Variants in EML4 observed in about 807,000 individuals in gnomAD.
EML4 encodes the protein echinoderm microtubule-associated protein-like 4.
In EML4, 72 loss-of-function variants were observed where a neutral mutation model predicts 129.0. The ratio of observed to expected loss-of-function variants is 0.56; its 90% CI spans 0.46 to 0.68. The LOEUF is 0.68. Ranked by LOEUF, EML4 falls within the 30% of genes least tolerant of loss-of-function variation. The pLI, the probability that EML4 is intolerant of heterozygous loss-of-function variation, is 0.00. For missense variants in EML4, 1,363 were observed against 1,190.6 expected (o/e 1.14, Z -2.13); for synonymous variants, 532 against 405.0 (o/e 1.31, Z -3.77).
intron 10 of EML4, 144 bp from the exon 11 acceptor site, chr2:42,288,083 G>A: frequency 2.4e-6 from 1 of 417,594 alleles, no homozygotes; most frequent in Non-Finnish European, 4.3e-6. Context: ...AGTAAATAGT[G>A]TATTCATTAT....
chr2:42,312,475 A>G (rs746302113), intron 17 of EML4, among the ~76,000 whole-genome samples: 1 of 152,180 alleles, frequency 6.6e-6, no homozygotes, highest in Non-Finnish European at 1.5e-5. Flanking sequence ...CTTCATCTGC[A>G]CAATAAAACT....
intron 6 of EML4, among the ~76,000 whole-genome samples, chr2:42,274,387 A>G (rs1666538960): frequency 6.6e-6 from 1 of 152,218 alleles, no homozygotes; most frequent in African/African-American, 2.4e-5. Flanking sequence ...ACAAATAATT[A>G]CAATCACAGT....
intron 6 of EML4, among the ~76,000 whole-genome samples, chr2:42,275,431 CAA>C (rs1191442208): frequency 6.6e-6 from 1 of 152,116 alleles, no homozygotes; most frequent in East Asian, 1.9e-4. Context: ...AATTTTGGAA[CAA>C]AGTCTAAAAA....
At chr2:42,300,190 T>G (rs1572716183) in intron 13 of EML4, among the ~76,000 whole-genome samples, 2 of 152,346 alleles carry the variant, frequency 1.3e-5, no homozygotes, top group South Asian at 2.1e-4. Context: ...TTTATTGACT[T>G]ACTTTGGCCA....
chr2:42,255,163 G>A (rs543587303), intron 2 of EML4, among the ~76,000 whole-genome samples: 1 of 151,858 alleles, frequency 6.6e-6, no homozygotes, highest in South Asian at 2.1e-4. Context: ...CCCACTAACT[G>A]CAAGCTCCGC....
At chr2:42,325,745 T>C (rs1458177898) in intron 20 of EML4, among the ~76,000 whole-genome samples, 191 bp downstream of exon 20, 1 of 150,862 alleles carries the variant, frequency 6.6e-6, no homozygotes, top group African/African-American at 2.4e-5. Flanking sequence ...TATGTTATGC[T>C]GAGCTAAGGT....
At position 42,234,469 on chromosome 2, in the gene EML4, A is replaced by C. The variant is rs544061257; in HGVS notation, c.26-11036A>C. Among the ~76,000 whole-genome samples the C allele has an allele frequency of 1.6e-3, 242 of 152,254 alleles. 1 individual carries two copies. The highest frequency in any genetic ancestry group is 4.8e-3 in the African/African-American group (199 of 41,556). On this transcript the variant is annotated intron_variant, in intron 1 of 22. Transcript: ENST00000318522. ...TTAAGAATTTCTGACCAGGTAAACTATCTCTCCATTCCTGTGAGTTCAGAC... is the reference window on the plus strand; with the variant it reads ...TTAAGAATTTCTGACCAGGTAAACTCTCTCTCCATTCCTGTGAGTTCAGAC...
At chr2:42,225,480 G>A (rs1673899709) in intron 1 of EML4, among the ~76,000 whole-genome samples, 1 of 152,084 alleles carries the variant, frequency 6.6e-6, no homozygotes, top group Non-Finnish European at 1.5e-5. Context: ...CTGGATTGCT[G>A]GATTGTAGGC....
In EML4 at chr2:42,330,194, C is replaced by A. The variant is rs28364731; in HGVS notation, c.2933C>A (p.Ser978Ter). ...ATLLEDQQDP[S>*]PSS ...CTTCTGGAGGACCAGCAAGACCCTT[C>A]GCCCTCGTCCTAACACCCTGGCTTC... Residue 978 changes from serine to a stop codon, truncating the protein, a stop_gained, in exon 23 of 23, where the codon TCG becomes TAG. Transcript: ENST00000318522. LOFTEE classifies it high-confidence loss of function. 2 of 1,612,842 alleles carry A rather than the reference C, an allele frequency of 1.2e-6. No homozygotes were observed. The highest frequency in any genetic ancestry group is 1.7e-6 in the Non-Finnish European group (2 of 1,179,810).
chr2:42,269,317 C>T (rs971740638), intron 6 of EML4, among the ~76,000 whole-genome samples: 3 of 152,126 alleles, frequency 2.0e-5, no homozygotes, highest in African/African-American at 7.2e-5. Context: ...CCTGAATAAT[C>T]TTGTCATTCT....
chr2:42,257,832 G>A (rs1047002322), intron 3 of EML4, among the ~76,000 whole-genome samples: 15 of 124,034 alleles, frequency 1.2e-4, no homozygotes, highest in African/African-American at 2.5e-4. Context: ...GCCAGACTCC[G>A]TCTCAAAAAA....
At chr2:42,217,226 T>C (rs935483045) in intron 1 of EML4, among the ~76,000 whole-genome samples, 1 of 152,214 alleles carries the variant, frequency 6.6e-6, no homozygotes, top group Non-Finnish European at 1.5e-5. Context: ...GTAGTGGAAC[T>C]TCTTTTTGAA....
chr2:42,327,614 C>CT lies in EML4; in HGVS notation c.2342-1271dup, dbSNP rs568780605. Among the ~76,000 whole-genome samples the CT allele has an allele frequency of 3.8e-4, 58 of 152,310 alleles. 2 individuals carry two copies. The South Asian group carries it at 0.012, about 32-fold the overall frequency. On this transcript the variant is annotated intron_variant, in intron 21 of 22. Transcript: ENST00000318522. ...TAACTATGTGGGGCTTCTTCCTAAT[C>CT]TGACGTTTTGTAACTTTCTGGAAAT...
At chr2:42,300,698 T>C (rs1668234196) in intron 13 of EML4, among the ~76,000 whole-genome samples, 1 of 152,194 alleles carries the variant, frequency 6.6e-6, no homozygotes, top group Non-Finnish European at 1.5e-5. Context: ...GGGTTAACAA[T>C]GGTTGTAAAA....
intron 1 of EML4, among the ~76,000 whole-genome samples, chr2:42,244,257 C>G (rs987402943): frequency 4.0e-5 from 6 of 151,882 alleles, no homozygotes; most frequent in African/African-American, 1.5e-4. Context: ...CGCCACCAAG[C>G]CCGGCTAATT....
At chr2:42,177,473 A>G (rs962962456) in intron 1 of EML4, among the ~76,000 whole-genome samples, 3 of 152,020 alleles carry the variant, frequency 2.0e-5, no homozygotes, top group Admixed American at 1.3e-4. Context: ...GTACAAAAAA[A>G]TTAGCCAGGC....
At chr2:42,194,184 G>C (rs1490315333) in intron 1 of EML4, among the ~76,000 whole-genome samples, 1 of 151,114 alleles carries the variant, frequency 6.6e-6, no homozygotes, top group Non-Finnish European at 1.5e-5. Context: ...ATTTGAAATG[G>C]GATATCCTGT....
At chr2:42,224,960 A>G (rs1044611271) in intron 1 of EML4, among the ~76,000 whole-genome samples, 3 of 152,020 alleles carry the variant, frequency 2.0e-5, no homozygotes, top group East Asian at 1.9e-4. Context: ...TTCTGTTTCA[A>G]TGAATTTGCC....
intron 2 of EML4, among the ~76,000 whole-genome samples, chr2:42,255,939 GTAT>G (rs1195423325): frequency 6.6e-6 from 1 of 152,152 alleles, no homozygotes; most frequent in Non-Finnish European, 1.5e-5. Context: ...TTGACTCTTA[GTAT>G]AGATAGGACT....
Sources: gnomAD v4.1 joint callset for allele counts (sites outside exome capture counted in the v4.1 genomes callset) on GRCh38, gnomAD v4.1.1 for gene constraint, MANE v1.5 for transcripts, NCBI Gene and HGNC (gene_info 2026-07-23, HGNC 2026-07-21) for gene names.